DPYD: variants seen among roughly 807,000 people sequenced by gnomAD.
DPYD encodes the protein dihydropyrimidine dehydrogenase.
Under a neutral mutation model 116.2 loss-of-function variants are expected in DPYD, and 109 were observed. That is an observed-to-expected ratio of 0.94 (90% CI 0.80 to 1.10). The LOEUF is 1.10. Among genes scored for constraint, DPYD ranks in the 50% least tolerant of loss-of-function variants. The pLI is 0.00. For missense variants in DPYD, 1,302 were observed against 1,254.5 expected (o/e 1.04, Z -0.57); for synonymous variants, 440 against 432.0 (o/e 1.02, Z -0.23).
chr1:97,433,023 T>C (rs1675269432), intron 14 of DPYD, among the ~76,000 whole-genome samples: 2 of 152,176 alleles, frequency 1.3e-5, no homozygotes, highest in Admixed American at 6.5e-5. Flanking sequence ...GGGAGTTCTC[T>C]CTGCTCTCTA....
intron 1 of DPYD, among the ~76,000 whole-genome samples, chr1:97,892,086 CAAAT>C (rs1321755649): frequency 6.6e-6 from 1 of 151,684 alleles, no homozygotes; most frequent in East Asian, 1.9e-4. Context: ...ATCAAGTAAA[CAAAT>C]AATAATAATA....
At chr1:97,199,979 A>C (rs1659093199) in intron 19 of DPYD, among the ~76,000 whole-genome samples, 1 of 152,216 alleles carries the variant, frequency 6.6e-6, no homozygotes, top group African/African-American at 2.4e-5. Flanking sequence ...AAGTAAAATA[A>C]ATTTACAAGG....
chr1:97,360,763 A>G (rs1291679574), intron 16 of DPYD, among the ~76,000 whole-genome samples: 2 of 152,234 alleles, frequency 1.3e-5, no homozygotes, highest in Non-Finnish European at 1.5e-5. Flanking sequence ...CAATGAGAAC[A>G]AAGACACAAC....
chr1:97,558,171 C>G (rs368334907), intron 11 of DPYD, among the ~76,000 whole-genome samples: 16 of 152,206 alleles, frequency 1.1e-4, no homozygotes, highest in Middle Eastern at 3.4e-3. Flanking sequence ...TTTTTCCCCC[C>G]CTTTCTAGTG....
At chr1:97,367,961 C>CCTT (rs1345208713) in intron 16 of DPYD, among the ~76,000 whole-genome samples, 3 of 152,088 alleles carry the variant, frequency 2.0e-5, no homozygotes, top group African/African-American at 7.2e-5. Context: ...TATTCTTCTT[C>CCTT]CTTCCTCATG....
chr1:97,904,305 G>A (rs372482261), intron 1 of DPYD, among the ~76,000 whole-genome samples: 86 of 152,038 alleles, frequency 5.7e-4, no homozygotes, highest in African/African-American at 2.0e-3. Flanking sequence ...GGATCCACTG[G>A]GTGGCAAGGT....
intron 10 of DPYD, among the ~76,000 whole-genome samples, chr1:97,586,500 ATATATATATATATATATATG>A (rs1239503656): frequency 2.8e-4 from 35 of 123,678 alleles, no homozygotes; most frequent in African/African-American, 1.1e-3. Context: ...ATATATATAT[ATATATATATATATATATATG>A]CTGTGAAAAA....
At chr1:97,512,789 ATTT>A (rs1557763691) in intron 13 of DPYD, among the ~76,000 whole-genome samples, 1 of 151,852 alleles carries the variant, frequency 6.6e-6, no homozygotes, top group Non-Finnish European at 1.5e-5. Context: ...GCCGATATAC[ATTT>A]GTATAGAAAA....
chr1:97,796,648 G>C (rs1300282091), intron 3 of DPYD, among the ~76,000 whole-genome samples: 1 of 152,012 alleles, frequency 6.6e-6, no homozygotes, highest in Non-Finnish European at 1.5e-5. Context: ...AGGAAGGAAA[G>C]GGAAAGACAA....
chr1:97,173,158 A>G (rs548818899), intron 20 of DPYD, among the ~76,000 whole-genome samples: 7 of 151,640 alleles, frequency 4.6e-5, no homozygotes, highest in Non-Finnish European at 8.9e-5. Context: ...ACACATATGT[A>G]CGTATATATG....
chr1:97,476,300 G>A (rs72729941), intron 13 of DPYD, among the ~76,000 whole-genome samples: 1 of 152,234 alleles, frequency 6.6e-6, no homozygotes, highest in South Asian at 2.1e-4. Flanking sequence ...AACTGCTGCT[G>A]GGAAGAGTAA....
In DPYD at chr1:97,368,906, A is replaced by G. The variant is rs78521555; in HGVS notation, c.2058+4655T>C. ...CCAGGGAAGGCCATATCTTGTCATT[A>G]TTTTAACAGAAATAATAGGATTTTT... On this transcript the variant is annotated intron_variant, in intron 16 of 22. Transcript: ENST00000370192. Among the ~76,000 whole-genome samples, 334 of 152,314 alleles carry G rather than the reference A, an allele frequency of 2.2e-3. 1 individual carries two copies. Among genetic ancestry groups the G allele is most frequent in the African/African-American group, 7.8e-3 (325 of 41,592 alleles).
intron 2 of DPYD, among the ~76,000 whole-genome samples, chr1:97,837,689 T>A (rs1669835665): frequency 6.6e-6 from 1 of 152,130 alleles, no homozygotes; most frequent in Admixed American, 6.5e-5. Context: ...GATTATCAAT[T>A]CTAAAATTGT....
chr1:97,671,892 TGTC>T (rs1659879061), intron 8 of DPYD, among the ~76,000 whole-genome samples: 1 of 149,372 alleles, frequency 6.7e-6, no homozygotes, highest in African/African-American at 2.5e-5. Context: ...TCTTTTCTTT[TGTC>T]TTCTTTTTTT....
chr1:97,213,518 C>T (rs1005276437), intron 19 of DPYD, among the ~76,000 whole-genome samples: 1 of 152,106 alleles, frequency 6.6e-6, no homozygotes, highest in Non-Finnish European at 1.5e-5. Context: ...CACTAGAATG[C>T]TAGGTACTGT....
intron 16 of DPYD, among the ~76,000 whole-genome samples, chr1:97,368,199 G>T (rs1671140409): frequency 6.6e-6 from 1 of 152,066 alleles, no homozygotes; most frequent in Non-Finnish European, 1.5e-5. Context: ...TAACACAGTT[G>T]GGAATACTAG....
At chr1:97,800,945 G>C (rs1186056820) in intron 3 of DPYD, among the ~76,000 whole-genome samples, 3 of 151,774 alleles carry the variant, frequency 2.0e-5, no homozygotes, top group African/African-American at 7.3e-5. Context: ...CCTCTGCACA[G>C]CCAAAAAGTA....
intron 8 of DPYD, among the ~76,000 whole-genome samples, chr1:97,661,792 G>T (rs1659272027): frequency 6.6e-6 from 1 of 151,776 alleles, no homozygotes; most frequent in African/African-American, 2.4e-5. Flanking sequence ...GTTAATTAAT[G>T]TTAAGGAAAT....
chr1:97,874,207 C>A (rs1485381014), intron 2 of DPYD, among the ~76,000 whole-genome samples: 1 of 151,848 alleles, frequency 6.6e-6, no homozygotes, highest in Non-Finnish European at 1.5e-5. Flanking sequence ...CTCCCTACAT[C>A]ATAGAACTTC....
Sources: gnomAD v4.1 joint callset for allele counts (sites outside exome capture counted in the v4.1 genomes callset) on GRCh38, gnomAD v4.1.1 for gene constraint, MANE v1.5 for transcripts, NCBI Gene and HGNC (gene_info 2026-07-23, HGNC 2026-07-21) for gene names.